Variants in ITGA11 observed in about 807,000 individuals in gnomAD.
ITGA11 encodes integrin subunit alpha 11, also known as integrin alpha-11.
In ITGA11, 97 loss-of-function variants were observed where a neutral mutation model predicts 141.9. The ratio of observed to expected loss-of-function variants is 0.68; its 90% confidence interval spans 0.58 to 0.81. The LOEUF (loss-of-function observed/expected upper bound fraction) is 0.81, where lower values mean the gene tolerates loss of function less well. Ranked by LOEUF, ITGA11 falls within the 30% of genes least tolerant of loss-of-function variation. ITGA11 has a pLI of 0.00. For synonymous variants in ITGA11, 658 were observed against 624.6 expected (o/e 1.05, Z -0.80); for missense variants, 1,387 against 1,559.2 (o/e 0.89, Z 1.86).
At chr15:68,373,384 T>C (rs934176910) in intron 2 of ITGA11, among the ~76,000 whole-genome samples, 4 of 152,224 alleles carry the variant, frequency 2.6e-5, no homozygotes, top group Non-Finnish European at 4.4e-5. Context: ...GTGGGGGCTT[T>C]TGGCTTTGCC....
Position 68,312,756 on chromosome 15 carries a change from C to T in ITGA11, c.2973+17G>A, listed in dbSNP as rs1893432256. 7 of 1,592,970 alleles carry T rather than the reference C, an allele frequency of 4.4e-6. No individual in the cohort carries two copies. The African/African-American group carries it at 6.7e-5, about 15-fold the overall frequency. The stretch of plus-strand genomic sequence containing the variant: ...ATCCCGTCCTTCCCCCTCTACCCGG[C>T]TCCCCTCCAGCCTCACCCTGAAGAT... On this transcript the variant is annotated intron_variant, in intron 24 of 29. Transcript: ENST00000315757.
At chr15:68,375,208 G>A (rs755865404) in intron 2 of ITGA11, among the ~76,000 whole-genome samples, 29 of 152,068 alleles carry the variant, frequency 1.9e-4, no homozygotes, top group Non-Finnish European at 3.4e-4. Flanking sequence ...CACAGCCCCC[G>A]CTCCCTTAAA....
In ITGA11 at chr15:68,307,458, G is replaced by T. The variant is rs191832978; in HGVS notation, c.3286-15C>A. 1.3e-6 allele frequency: 2 copies of T among 1,552,224 alleles called. No homozygotes were observed. Among genetic ancestry groups the T allele is most frequent in the African/African-American group, 2.7e-5 (2 of 73,292 alleles). On this transcript the variant is annotated splice_polypyrimidine_tract_variant and intron_variant, in intron 27 of 29. Transcript: ENST00000315757. The surrounding 1 kb of genome is among the most constrained non-coding windows in gnomAD (Gnocchi z 6.1). ...TTGTACTTGAGCTGTGCAATCAGAGGGCTCGTCAGAAGCTGGCTTGGAAGC... is the reference window on the plus strand; with the variant it reads ...TTGTACTTGAGCTGTGCAATCAGAGTGCTCGTCAGAAGCTGGCTTGGAAGC...
chr15:68,306,022 T>TAAAAA (rs34840804), intron 28 of ITGA11, among the ~76,000 whole-genome samples: 1 of 128,044 alleles, frequency 7.8e-6, no homozygotes, highest in Non-Finnish European at 1.6e-5. Context: ...CTGTCTCTAC[T>TAAAAA]AAAAAAAAAA....
chr15:68,317,192 G>T, intron 21 of ITGA11, 73 bp downstream of exon 21: 2 of 1,053,088 alleles, frequency 1.9e-6, no homozygotes, highest in Non-Finnish European at 3.0e-6. Flanking sequence ...TGTTGCTCTT[G>T]CCGCCCTCCC....
intron 11 of ITGA11, among the ~76,000 whole-genome samples, chr15:68,339,162 T>G (rs540381268): frequency 1.3e-5 from 2 of 152,362 alleles, no homozygotes; most frequent in East Asian, 3.9e-4. Context: ...CTCAGTGTAC[T>G]GGAGCCCTAG....
In ITGA11 at chr15:68,303,686, T is replaced by C; in HGVS notation, c.3495+86A>G. The stretch of plus-strand genomic sequence containing the variant: ...GCCAGCTCCCCTGGAGAGGAGAACG[T>C]GGCAGCGGCCACGAAGTTCCAGGGG... On this transcript the variant is annotated intron_variant, in intron 29 of 29. Coordinates refer to ENST00000315757, the MANE Select transcript of ITGA11 (RefSeq NM_001004439.2). The surrounding 1 kb of genome is among the most constrained non-coding windows in gnomAD (Gnocchi z 5.3). 5 of 885,744 alleles carry C rather than the reference T, an allele frequency of 5.6e-6. No homozygotes were observed. In the Admixed American group the frequency reaches 1.1e-4, roughly 19 times the overall value. The allele number at this position is 885,744 out of a possible 1,614,324, so 54.9% of individuals were successfully genotyped here. A position where few individuals can be genotyped will look rare whatever the true frequency, so the allele number is the denominator to read the frequency against.
rs1341151316 is a variant in ITGA11, at chr15:68,313,774, C to G, written c.2882+5G>C. On this transcript the variant is annotated splice_donor_5th_base_variant and intron_variant, in intron 23 of 29. Coordinates refer to ENST00000315757, the MANE Select transcript of ITGA11 (RefSeq NM_001004439.2). The stretch of plus-strand genomic sequence containing the variant: ...CTCTCCTGGGGCCCCCGGAGCCCGG[C>G]CCACCTGGTGAAGAGGACGTCAGCC... 1 of 1,613,176 alleles carries G rather than the reference C, an allele frequency of 6.2e-7. No individual in the cohort carries two copies. Among genetic ancestry groups the G allele is most frequent in the Non-Finnish European group, 8.5e-7 (1 of 1,179,370 alleles).
At chr15:68,428,783 TGGGC>T (rs1897202437) in intron 1 of ITGA11, among the ~76,000 whole-genome samples, 1 of 152,178 alleles carries the variant, frequency 6.6e-6, no homozygotes, top group Admixed American at 6.5e-5. Flanking sequence ...TTGCATGGTA[TGGGC>T]CTTCTCCTTT....
In ITGA11 at chr15:68,363,371, C is replaced by T. The variant is rs1446678174; in HGVS notation, c.357+1336G>A. ...GAGGGAAAAGGGAGTAGAGACAAAG[C>T]CCCTGACGGATATGTGTGTGGATAG... On this transcript the variant is annotated intron_variant, in intron 4 of 29. Transcript: ENST00000315757. 3.9e-5 allele frequency among the ~76,000 whole-genome samples: 6 copies of T among 152,092 alleles called. No homozygotes were observed. In the East Asian group the frequency reaches 1.2e-3, roughly 29 times the overall value.
intron 5 of ITGA11, among the ~76,000 whole-genome samples, chr15:68,361,290 C>T (rs76672367): frequency 1.2e-3 from 177 of 152,298 alleles, no homozygotes; most frequent in South Asian, 2.7e-3. Context: ...CATGTGCTTG[C>T]CAGGTAACCT....
At chr15:68,318,730 G>T (rs764253079) in intron 20 of ITGA11, among the ~76,000 whole-genome samples, 12 of 152,124 alleles carry the variant, frequency 7.9e-5, no homozygotes, top group Non-Finnish European at 1.3e-4. Flanking sequence ...GCAAGCAAGG[G>T]GGGGGCACTT....
rs968726728 is a variant in ITGA11, at chr15:68,326,173, T to C, written c.2211+481A>G. ...GAGCTGGGTATTTGGTATCTCTGGA[T>C]GGAAGTAAACCTCTCATTCTCTTCC... is the stretch of plus-strand genomic sequence containing the variant. On this transcript the variant is annotated intron_variant, in intron 17 of 29. Transcript: ENST00000315757. This position sits in a 1 kb window ranked among gnomAD's most constrained non-coding sequence, Gnocchi z 6.8. 6.6e-6 allele frequency among the ~76,000 whole-genome samples: 1 copy of C among 152,236 alleles called. No individual in the cohort carries two copies. The highest frequency in any genetic ancestry group is 1.5e-5 in the Non-Finnish European group (1 of 68,040).
chr15:68,330,836 A>T (rs960814317), intron 15 of ITGA11, 145 bp downstream of exon 15: 2 of 850,940 alleles, frequency 2.4e-6, no homozygotes, highest in African/African-American at 3.4e-5. Context: ...GGAAATGTGT[A>T]AGCAAGATGG....
intron 1 of ITGA11, among the ~76,000 whole-genome samples, chr15:68,403,996 C>A (rs936634681): frequency 6.6e-5 from 10 of 152,150 alleles, no homozygotes; most frequent in African/African-American, 2.4e-4. Context: ...ACCTGTCCTT[C>A]CCCCAGGGAA....
intron 1 of ITGA11, among the ~76,000 whole-genome samples, chr15:68,421,608 C>A (rs1434383492): frequency 6.6e-6 from 1 of 151,132 alleles, no homozygotes; most frequent in Non-Finnish European, 1.5e-5. Flanking sequence ...CCTCGTGTAA[C>A]CTGCCTTCTG....
chr15:68,427,739 TCA>T (rs1485661947), intron 1 of ITGA11, among the ~76,000 whole-genome samples: 1 of 152,184 alleles, frequency 6.6e-6, no homozygotes, highest in Non-Finnish European at 1.5e-5. Context: ...GACAAAGAAT[TCA>T]CACAGTTAGG....
chr15:68,320,858 T>G (rs989320477), intron 19 of ITGA11, among the ~76,000 whole-genome samples: 4 of 152,244 alleles, frequency 2.6e-5, no homozygotes, highest in Admixed American at 1.3e-4. Flanking sequence ...CTAAATCATC[T>G]CATAGTTGGA....
chr15:68,423,650 A>G (rs981655752), intron 1 of ITGA11, among the ~76,000 whole-genome samples: 1 of 152,192 alleles, frequency 6.6e-6, no homozygotes, highest in African/African-American at 2.4e-5. Context: ...GGAGGAAAGT[A>G]AGACAACTCT....
Sources: gnomAD v4.1 joint callset for allele counts (sites outside exome capture counted in the v4.1 genomes callset) on GRCh38, gnomAD v4.1.1 for gene constraint, Gnocchi (gnomAD v3.1) non-coding constraint, MANE v1.5 for transcripts, NCBI Gene and HGNC (gene_info 2026-07-23, HGNC 2026-07-21) for gene names.